Variants in CPNE4 observed in about 807,000 individuals in gnomAD.
CPNE4 encodes copine 4.
A neutral mutation model predicts 67.9 loss-of-function variants in CPNE4; 25 were observed. The observed-to-expected ratio is 0.37, with a 90% CI of 0.27 to 0.51. CPNE4 has a LOEUF of 0.51. CPNE4 is among the 20% of genes least tolerant of loss of function. The pLI, the probability that CPNE4 is intolerant of heterozygous loss-of-function variation, is 0.93. For synonymous variants in CPNE4, 242 were observed against 244.9 expected (o/e 0.99, Z 0.11); for missense variants, 464 against 690.8 (o/e 0.67, Z 3.68).
intron 2 of CPNE4, among the ~76,000 whole-genome samples, chr3:131,833,360 T>C (rs913839073): frequency 2.0e-5 from 3 of 152,204 alleles, no homozygotes; most frequent in African/African-American, 7.2e-5. Flanking sequence ...AAGCATTCCA[T>C]TTATATCAGA....
At chr3:131,718,959 G>A (rs2081811468) in intron 3 of CPNE4, among the ~76,000 whole-genome samples, 1 of 152,198 alleles carries the variant, frequency 6.6e-6, no homozygotes, top group South Asian at 2.1e-4. Context: ...CAATCACTGT[G>A]GCCACACAAA....
intron 2 of CPNE4, among the ~76,000 whole-genome samples, chr3:131,728,130 C>T (rs1338349331): frequency 6.6e-6 from 1 of 152,154 alleles, no homozygotes; most frequent in Non-Finnish European, 1.5e-5. Flanking sequence ...AGTGGTCTCT[C>T]ATTGTGGTTT....
At chr3:132,020,799 A>C (rs894201055) in intron 1 of CPNE4, among the ~76,000 whole-genome samples, 1 of 152,156 alleles carries the variant, frequency 6.6e-6, no homozygotes, top group African/African-American at 2.4e-5. Flanking sequence ...GACACTGTTA[A>C]CCCTAGCCCC....
chr3:131,672,781 G>A (rs565129461), intron 6 of CPNE4, among the ~76,000 whole-genome samples: 43 of 151,938 alleles, frequency 2.8e-4, no homozygotes, highest in Middle Eastern at 3.4e-3. Flanking sequence ...CTCTCATTCT[G>A]TGGGTTTTCT....
chr3:131,712,110 ATTT>A (rs2081573100), intron 3 of CPNE4, among the ~76,000 whole-genome samples: 1 of 151,648 alleles, frequency 6.6e-6, no homozygotes, highest in African/African-American at 2.4e-5. Context: ...GTTCTTCCAC[ATTT>A]GTTTAAAAAT....
At chr3:131,720,203 T>C (rs1208068123) in intron 3 of CPNE4, among the ~76,000 whole-genome samples, 1 of 152,122 alleles carries the variant, frequency 6.6e-6, no homozygotes. Context: ...TTTGTGATAT[T>C]TGGAGTTTGC....
At chr3:131,955,951 C>T (rs1318327276) in intron 1 of CPNE4, among the ~76,000 whole-genome samples, 1 of 152,152 alleles carries the variant, frequency 6.6e-6, no homozygotes, top group African/African-American at 2.4e-5. Context: ...GGCTAAAATC[C>T]ATTATACCTA....
chr3:131,690,298 G>T (rs1257621062), intron 5 of CPNE4, among the ~76,000 whole-genome samples: 6 of 152,078 alleles, frequency 3.9e-5, no homozygotes, highest in African/African-American at 1.2e-4. Flanking sequence ...ATACTATAAG[G>T]CTACAATAAC....
chr3:131,822,907 G>T (rs542642232), intron 2 of CPNE4, among the ~76,000 whole-genome samples: 2 of 151,942 alleles, frequency 1.3e-5, no homozygotes, highest in African/African-American at 4.8e-5. Flanking sequence ...GTGCGATCTC[G>T]GCTCACCTGC....
intron 2 of CPNE4, among the ~76,000 whole-genome samples, chr3:131,834,039 A>C (rs1000482027): frequency 6.6e-6 from 1 of 152,230 alleles, no homozygotes; most frequent in African/African-American, 2.4e-5. Flanking sequence ...AATATCTGCA[A>C]ACTGAGAAAG....
intron 4 of CPNE4, 68 bp from the exon 5 acceptor site, chr3:131,696,684 A>G (rs1220702697): frequency 3.2e-5 from 46 of 1,417,586 alleles, no homozygotes; most frequent in Non-Finnish European, 4.3e-5. Flanking sequence ...CCATGAGCAA[A>G]TTTAGTTCCT....
chr3:131,538,566 T>TATC (rs2107623416), intron 15 of CPNE4, among the ~76,000 whole-genome samples: 1 of 152,372 alleles, frequency 6.6e-6, no homozygotes, highest in African/African-American at 2.4e-5. Flanking sequence ...GCAATGCATG[T>TATC]ATCATTTACC....
intron 1 of CPNE4, among the ~76,000 whole-genome samples, chr3:132,033,613 G>C (rs1583626038): frequency 1.3e-5 from 2 of 152,300 alleles, no homozygotes; most frequent in South Asian, 4.1e-4. Flanking sequence ...CTGGAGCCTA[G>C]CAGGTTCTGG....
intron 15 of CPNE4, among the ~76,000 whole-genome samples, chr3:131,539,851 G>A (rs6792146): frequency 0.24 from 35,958 of 152,056 alleles, 5,046 homozygotes; most frequent in African/African-American, 0.4. Flanking sequence ...TGAAAAGAAT[G>A]CAGCATTAAA....
At chr3:131,817,550 C>T (rs948153856) in intron 2 of CPNE4, among the ~76,000 whole-genome samples, 1 of 152,022 alleles carries the variant, frequency 6.6e-6, no homozygotes, top group African/African-American at 2.4e-5. Context: ...GTTTTTCCAC[C>T]CTGTCCTATG....
chr3:131,792,693 ATACATATACACACACGTGTATATATG>A (rs2083787264), intron 2 of CPNE4, among the ~76,000 whole-genome samples: 1 of 60,626 alleles, frequency 1.6e-5, no homozygotes, highest in African/African-American at 6.7e-5. Context: ...ACGTGTATAT[ATACATATACACACACGTGTATATATG>A]TATATATATA....
intron 2 of CPNE4, among the ~76,000 whole-genome samples, chr3:131,830,564 C>T (rs2085325507): frequency 6.6e-6 from 1 of 152,138 alleles, no homozygotes; most frequent in South Asian, 2.1e-4. Flanking sequence ...GCGAGAGACT[C>T]TTCAAGTCTT....
chr3:131,657,059 C>T (rs1440037649), intron 7 of CPNE4, among the ~76,000 whole-genome samples: 2 of 152,074 alleles, frequency 1.3e-5, no homozygotes, highest in African/African-American at 4.8e-5. Context: ...ATTTAACAGG[C>T]CCATCCAAGG....
intron 2 of CPNE4, among the ~76,000 whole-genome samples, chr3:131,852,274 G>A (rs2086270238): frequency 6.6e-6 from 1 of 151,854 alleles, no homozygotes; most frequent in Admixed American, 6.6e-5. Context: ...ATTAGCACAT[G>A]TAAGCAATGT....
Sources: gnomAD v4.1 joint callset for allele counts (sites outside exome capture counted in the v4.1 genomes callset) on GRCh38, gnomAD v4.1.1 for gene constraint, MANE v1.5 for transcripts, NCBI Gene and HGNC (gene_info 2026-07-23, HGNC 2026-07-21) for gene names.